The following TMEM132D variants were observed in gnomAD, a reference collection of about 807,000 sequenced individuals.
The protein encoded by TMEM132D is transmembrane protein 132D.
TMEM132D carries 21 observed loss-of-function variants against 62.3 expected under a neutral mutation model. The observed-to-expected ratio is 0.34, with a 90% CI of 0.24 to 0.49. The LOEUF is 0.49. TMEM132D is among the 20% of genes least tolerant of loss of function. TMEM132D has a pLI of 0.99. For missense variants in TMEM132D, 1,346 were observed against 1,402.8 expected, an observed-to-expected ratio of 0.96 and a Z score of 0.65; for synonymous variants, 621 against 575.6, an observed-to-expected ratio of 1.08 and a Z score of -1.13.
Position 129,636,698 on chromosome 12 carries a change from ATGTGTGTGTGTGTGTG to A in TMEM132D, c.968+63096_968+63111del, listed in dbSNP as rs542826978. On this transcript the variant is annotated intron_variant, in intron 2 of 8. Coordinates refer to ENST00000422113, the MANE Select transcript of TMEM132D (RefSeq NM_133448.3). ...AATGACCAAGTAAATTCATACAGAA[ATGTGTGTGTGTGTGTG>A]TGTGTGTGTGTGTGTGTGTGTGTGA... is the stretch of plus-strand genomic sequence containing the variant. 1.6e-3 allele frequency among the ~76,000 whole-genome samples: 170 copies of A among 107,956 alleles called. 1 individual carries two copies. Among genetic ancestry groups the A allele is most frequent in the Non-Finnish European group, 2.4e-3 (122 of 51,700 alleles). 70.8% of individuals were successfully genotyped at this position (107,956 alleles called of 152,430 possible). A position where few individuals can be genotyped will look rare whatever the true frequency, so the allele number is the denominator to read the frequency against.
chr12:129,473,239 C>T (rs1018011592), intron 3 of TMEM132D, among the ~76,000 whole-genome samples: 1 of 150,978 alleles, frequency 6.6e-6, no homozygotes, highest in Non-Finnish European at 1.5e-5. Flanking sequence ...TCGTCCATGT[C>T]GGGTAAGACC....
intron 3 of TMEM132D, among the ~76,000 whole-genome samples, chr12:129,403,319 T>G (rs1871674762): frequency 6.7e-6 from 1 of 148,694 alleles, no homozygotes; most frequent in South Asian, 2.2e-4. Context: ...CCCAGGCATG[T>G]CTCACTTAGG....
chr12:129,588,230 G>A lies in TMEM132D; in HGVS notation c.969-57025C>T, dbSNP rs112617075. ...TTCAAAGTTCCTTTCACTACCTAAA[G>A]CAGCACATCTACAGATTCTATAGGT... On this transcript the variant is annotated intron_variant, in intron 2 of 8. Coordinates refer to ENST00000422113, the MANE Select transcript of TMEM132D (RefSeq NM_133448.3). 1.8e-3 allele frequency among the ~76,000 whole-genome samples: 277 copies of A among 152,266 alleles called. 1 individual carries two copies. Among genetic ancestry groups the A allele is most frequent in the African/African-American group, 6.2e-3 (256 of 41,554 alleles).
intron 2 of TMEM132D, among the ~76,000 whole-genome samples, chr12:129,627,822 C>T (rs1332605751): frequency 6.6e-6 from 1 of 152,004 alleles, no homozygotes; most frequent in Non-Finnish European, 1.5e-5. Flanking sequence ...CCTGTCTCTA[C>T]AGAAAATAAA....
intron 2 of TMEM132D, among the ~76,000 whole-genome samples, chr12:129,558,016 C>G (rs1298705503): frequency 6.6e-6 from 1 of 152,128 alleles, no homozygotes; most frequent in East Asian, 1.9e-4. Context: ...AACCATTTAT[C>G]AGAAATGAGT....
intron 5 of TMEM132D, among the ~76,000 whole-genome samples, chr12:129,147,178 A>G (rs923062032): frequency 8.6e-5 from 13 of 151,474 alleles, no homozygotes; most frequent in African/African-American, 2.9e-4. Context: ...GTGTGTGTAT[A>G]TATATACACA....
At chr12:129,758,056 C>A (rs1312743263) in intron 1 of TMEM132D, among the ~76,000 whole-genome samples, 1 of 152,100 alleles carries the variant, frequency 6.6e-6, no homozygotes, top group Non-Finnish European at 1.5e-5. Flanking sequence ...GTGCCTGCCA[C>A]CATGCTTGGC....
At chr12:129,661,265 C>T (rs150251867) in intron 2 of TMEM132D, among the ~76,000 whole-genome samples, 287 of 152,246 alleles carry the variant, frequency 1.9e-3, no homozygotes, top group African/African-American at 6.6e-3. Flanking sequence ...ACTGGAGTGG[C>T]GATCTCAGGG....
intron 1 of TMEM132D, among the ~76,000 whole-genome samples, chr12:129,831,876 C>CTT (rs71085576): frequency 0.031 from 4,120 of 134,812 alleles, 125 homozygotes; most frequent in Middle Eastern, 0.075. Context: ...CTTTCTTTTT[C>CTT]TTTTTTTTTT....
At chr12:129,287,980 G>A (rs1881350110) in intron 4 of TMEM132D, among the ~76,000 whole-genome samples, 1 of 152,186 alleles carries the variant, frequency 6.6e-6, no homozygotes, top group Admixed American at 6.5e-5. Flanking sequence ...CGGGAAGTGT[G>A]ATGCCTCTAG....
intron 3 of TMEM132D, among the ~76,000 whole-genome samples, chr12:129,473,965 T>C (rs1455447295): frequency 6.6e-6 from 1 of 152,236 alleles, no homozygotes; most frequent in Non-Finnish European, 1.5e-5. Flanking sequence ...ACCAGGCATC[T>C]ATGAACCCCT....
At chr12:129,577,576 A>T (rs1480945036) in intron 2 of TMEM132D, among the ~76,000 whole-genome samples, 2 of 151,752 alleles carry the variant, frequency 1.3e-5, no homozygotes, top group Non-Finnish European at 2.9e-5. Context: ...TTAGATTTGT[A>T]TAATTTTGTG....
intron 3 of TMEM132D, among the ~76,000 whole-genome samples, chr12:129,395,971 CAT>C (rs931356362): frequency 3.5e-5 from 5 of 141,282 alleles, no homozygotes; most frequent in African/African-American, 1.4e-4. Context: ...TAATATATAT[CAT>C]ATAAATATAT....
At chr12:129,493,872 G>A (rs1034659304) in intron 3 of TMEM132D, among the ~76,000 whole-genome samples, 1 of 152,118 alleles carries the variant, frequency 6.6e-6, no homozygotes, top group Non-Finnish European at 1.5e-5. Flanking sequence ...TTCTCCACCC[G>A]GGTTTGCAAG....
intron 3 of TMEM132D, among the ~76,000 whole-genome samples, chr12:129,508,933 G>A (rs758184868): frequency 2.7e-5 from 4 of 150,750 alleles, no homozygotes; most frequent in Non-Finnish European, 4.4e-5. Flanking sequence ...TGAGAAGCCA[G>A]AGATCTACAT....
chr12:129,335,127 C>CTTTT lies in TMEM132D; in HGVS notation c.1299+2503_1299+2506dup, dbSNP rs386378228. The stretch of plus-strand genomic sequence containing the variant: ...TATAGGCTGGGTACTCTAATAAGTA[C>CTTTT]TTTTTTTTTTTTTTTTTTTTTTGAG... On this transcript the variant is annotated intron_variant, in intron 4 of 8. Transcript: ENST00000422113. Among the ~76,000 whole-genome samples, 191 of 104,622 alleles carry CTTTT rather than the reference C, an allele frequency of 1.8e-3. 5 individuals carry two copies. The highest frequency in any genetic ancestry group is 0.014 in the East Asian group (50 of 3,460). The allele number at this position is 104,622 out of a possible 152,430, so 68.6% of individuals were successfully genotyped here.
At chr12:129,880,045 A>C (rs1020255814) in intron 1 of TMEM132D, among the ~76,000 whole-genome samples, 4 of 152,288 alleles carry the variant, frequency 2.6e-5, no homozygotes, top group East Asian at 1.9e-4. Flanking sequence ...AGGATAAATA[A>C]ATTTTAAGGG....
At position 129,238,996 on chromosome 12, in the gene TMEM132D, G is replaced by GGTT. The variant is rs374959544; in HGVS notation, c.1300-29334_1300-29333insAAC. Among the ~76,000 whole-genome samples the GGTT allele has an allele frequency of 1.2e-3, 154 of 133,032 alleles. 3 individuals are homozygous for GGTT. Among genetic ancestry groups the GGTT allele is most frequent in the African/African-American group, 3.4e-3 (122 of 35,426 alleles). 87.3% of individuals were successfully genotyped at this position (133,032 alleles called of 152,430 possible). On this transcript the variant is annotated intron_variant, in intron 4 of 8. Transcript: ENST00000422113. ...TCCTCATCAACATTTGTTATTTTCTGTTTTTTTTTTTTTTTTGGACAGTAA... is the reference window on the plus strand; with the variant it reads ...TCCTCATCAACATTTGTTATTTTCTGGTTTTTTTTTTTTTTTTTTGGACAGTAA...
chr12:129,427,552 A>G (rs1305496937), intron 3 of TMEM132D, among the ~76,000 whole-genome samples: 7 of 152,206 alleles, frequency 4.6e-5, no homozygotes, highest in Admixed American at 1.3e-4. Context: ...AACTTAAAGT[A>G]TAATAAAAAT....
Sources: allele counts gnomAD v4.1 joint callset (sites outside exome capture counted in the v4.1 genomes callset), GRCh38; gene constraint gnomAD v4.1.1; transcripts MANE v1.5; gene names NCBI Gene and HGNC (gene_info 2026-07-23, HGNC 2026-07-21).